KLF8: variants seen among roughly 807,000 people sequenced by gnomAD.
KLF8 encodes the protein KLF transcription factor 8.
A neutral mutation model predicts 18.2 loss-of-function variants in KLF8; 10 were observed. The ratio of observed to expected loss-of-function variants is 0.55; its 90% CI spans 0.34 to 0.93. KLF8 has a LOEUF of 0.93. Among genes scored for constraint, KLF8 ranks in the 40% least tolerant of loss-of-function variants. The pLI, the probability that KLF8 is intolerant of heterozygous loss-of-function variation, is 0.02. For missense variants in KLF8, 264 were observed against 277.9 expected (o/e 0.95, Z 0.36); for synonymous variants, 109 against 97.3 (o/e 1.12, Z -0.71).
chrX:56,136,754 G>T, the KLF8 span, among the ~76,000 whole-genome samples: 7 of 110,885 alleles, frequency 6.3e-5, no homozygotes, highest in African/African-American at 9.8e-5. Flanking sequence ...ATTGACAAAT[G>T]GGATCTAATT....
chrX:56,002,879 T>C, the KLF8 span, among the ~76,000 whole-genome samples: 1 of 112,028 alleles, frequency 8.9e-6, no homozygotes, highest in Non-Finnish European at 1.9e-5. Context: ...AAGTACAAAG[T>C]ACTTGATGTT....
At chrX:56,076,521 T>C in the KLF8 span, among the ~76,000 whole-genome samples, 44 of 111,424 alleles carry the variant, frequency 3.9e-4, no homozygotes, top group Admixed American at 6.7e-4. Flanking sequence ...GTGCCACATT[T>C]TCTTAATCCA....
At chrX:56,221,247 A>G in the KLF8 span, among the ~76,000 whole-genome samples, 1 of 112,170 alleles carries the variant, frequency 8.9e-6, no homozygotes, top group African/African-American at 3.2e-5. Flanking sequence ...GTCACCTTGG[A>G]AAAGTGCCTC....
At chrX:56,040,741 T>A in the KLF8 span, among the ~76,000 whole-genome samples, 1 of 101,533 alleles carries the variant, frequency 9.8e-6, no homozygotes, top group Non-Finnish European at 2.0e-5. Flanking sequence ...ATAGAATGAG[T>A]TAGGGAGGAG....
At chrX:56,139,948 T>TA in the KLF8 span, among the ~76,000 whole-genome samples, 6 of 111,598 alleles carry the variant, frequency 5.4e-5, no homozygotes, top group South Asian at 7.5e-4. Flanking sequence ...AGAACCATGT[T>TA]AAAAAAATGG....
intron 2 of KLF8, among the ~76,000 whole-genome samples, chrX:56,260,057 A>G (rs2066863358): frequency 9.0e-6 from 1 of 110,846 alleles, no homozygotes; most frequent in Non-Finnish European, 1.9e-5. Context: ...ACATATAGGT[A>G]TTCTTTGGCT....
chrX:56,168,730 G>C, the KLF8 span, among the ~76,000 whole-genome samples: 5 of 105,254 alleles, frequency 4.8e-5, no homozygotes, highest in Non-Finnish European at 5.8e-5. Flanking sequence ...TCCCACCTAT[G>C]AGTGAGAACA....
chrX:55,923,678 A>G, the KLF8 span, among the ~76,000 whole-genome samples: 5 of 109,227 alleles, frequency 4.6e-5, no homozygotes, highest in Non-Finnish European at 9.5e-5. Context: ...GTGGGTCACA[A>G]TTTAACCCAT....
At chrX:56,001,483 G>T in the KLF8 span, among the ~76,000 whole-genome samples, 1 of 111,669 alleles carries the variant, frequency 9.0e-6, no homozygotes, top group Non-Finnish European at 1.9e-5. Context: ...TCTCCCTTTT[G>T]CATCTTCAAT....
intron 5 of KLF8, among the ~76,000 whole-genome samples, chrX:56,280,122 C>G (rs904067442): frequency 6.2e-5 from 7 of 112,409 alleles, no homozygotes; most frequent in African/African-American, 2.3e-4. Context: ...GCAGGAAACA[C>G]AGATATAACA....
At chrX:56,166,132 C>CT in the KLF8 span, among the ~76,000 whole-genome samples, 2 of 58,763 alleles carry the variant, frequency 3.4e-5, no homozygotes, top group African/African-American at 5.7e-5. Context: ...CATATAAGTG[C>CT]TTTATTTTTT....
At chrX:56,207,272 G>T in the KLF8 span, among the ~76,000 whole-genome samples, 1 of 112,539 alleles carries the variant, frequency 8.9e-6, no homozygotes, top group African/African-American at 3.2e-5. Flanking sequence ...GCAAATTTCT[G>T]CAGCTGGCTT....
the KLF8 span, among the ~76,000 whole-genome samples, chrX:56,176,017 G>A: frequency 8.1e-5 from 9 of 111,649 alleles, no homozygotes; most frequent in African/African-American, 2.9e-4. Flanking sequence ...TGTCTCCTGA[G>A]TACAGCACAC....
At chrX:56,154,352 G>T in the KLF8 span, among the ~76,000 whole-genome samples, 2 of 111,818 alleles carry the variant, frequency 1.8e-5, no homozygotes, top group African/African-American at 6.5e-5. Flanking sequence ...AAGAAATGGG[G>T]AAATGATTCC....
the KLF8 span, among the ~76,000 whole-genome samples, chrX:56,077,770 A>G: frequency 1.8e-5 from 2 of 111,892 alleles, no homozygotes; most frequent in Non-Finnish European, 3.8e-5. Context: ...CTTCCTACCC[A>G]TGAACATGGA....
the KLF8 span, among the ~76,000 whole-genome samples, chrX:56,088,791 C>A: frequency 9.0e-6 from 1 of 111,128 alleles, no homozygotes; most frequent in African/African-American, 3.3e-5. Flanking sequence ...GTCACACATG[C>A]TCCATTTGGG....
the KLF8 span, among the ~76,000 whole-genome samples, chrX:55,973,869 A>T: frequency 2.7e-5 from 3 of 111,620 alleles, no homozygotes; most frequent in Non-Finnish European, 5.7e-5. Context: ...TTCTACCATA[A>T]AGACACCTGC....
At chrX:56,134,979 A>G in the KLF8 span, among the ~76,000 whole-genome samples, 1 of 110,990 alleles carries the variant, frequency 9.0e-6, no homozygotes, top group African/African-American at 3.3e-5. Context: ...CCTTACTCCC[A>G]CAGTGCAATA....
At chrX:55,959,953 C>T in the KLF8 span, among the ~76,000 whole-genome samples, 1 of 110,556 alleles carries the variant, frequency 9.0e-6, no homozygotes, top group Non-Finnish European at 1.9e-5. Context: ...ATCAGATGCT[C>T]CAGTTAACAT....
Sources: gnomAD v4.1 joint callset for allele counts (sites outside exome capture counted in the v4.1 genomes callset) on GRCh38, gnomAD v4.1.1 for gene constraint, MANE v1.5 for transcripts, NCBI Gene and HGNC (gene_info 2026-07-23, HGNC 2026-07-21) for gene names.